Variants in KAZN observed in about 807,000 individuals in gnomAD.
The protein encoded by KAZN is kazrin.
In KAZN, 40 loss-of-function variants were observed where a neutral mutation model predicts 87.4. The observed-to-expected ratio is 0.46, with a 90% CI of 0.36 to 0.60. The LOEUF is 0.60. KAZN is among the 20% of genes least tolerant of loss of function. The pLI is 0.00. For synonymous variants in KAZN, 466 were observed against 458.3 expected, an observed-to-expected ratio of 1.02 and a Z score of -0.22; for missense variants, 898 against 1,073.9, an observed-to-expected ratio of 0.84 and a Z score of 2.29.
At chr1:14,612,371 A>T (rs1428826987) in intron 1 of KAZN, among the ~76,000 whole-genome samples, 6 of 152,330 alleles carry the variant, frequency 3.9e-5, no homozygotes, top group Admixed American at 3.9e-4. Context: ...CTGAGAAGGG[A>T]CAAGGAATCA....
intron 2 of KAZN, among the ~76,000 whole-genome samples, chr1:15,016,374 C>T (rs746307254): frequency 6.6e-6 from 1 of 152,176 alleles, no homozygotes; most frequent in Non-Finnish European, 1.5e-5. Flanking sequence ...CAACCTCTGC[C>T]TCCCAGGATC....
At chr1:14,887,016 C>T (rs899800572) in intron 1 of KAZN, among the ~76,000 whole-genome samples, 1 of 152,126 alleles carries the variant, frequency 6.6e-6, no homozygotes, top group South Asian at 2.1e-4. Flanking sequence ...GATCCATCCC[C>T]CCACCTACCC....
intron 2 of KAZN, among the ~76,000 whole-genome samples, chr1:14,346,656 T>A (rs1204493476): frequency 1.3e-5 from 2 of 152,068 alleles, no homozygotes; most frequent in Admixed American, 1.3e-4. Flanking sequence ...TTAGGATGAT[T>A]CCCTTTGCCC....
At chr1:13,946,027 G>A (rs940892001) in intron 1 of KAZN, among the ~76,000 whole-genome samples, 3 of 152,124 alleles carry the variant, frequency 2.0e-5, no homozygotes, top group African/African-American at 4.8e-5. Flanking sequence ...AGACAATCTG[G>A]GCTTCCAAGT....
intron 2 of KAZN, among the ~76,000 whole-genome samples, chr1:14,981,225 G>T (rs1666216614): frequency 6.6e-6 from 1 of 152,238 alleles, no homozygotes; most frequent in Non-Finnish European, 1.5e-5. Context: ...AACCCTGAAT[G>T]CTTAGTGGGG....
At chr1:13,994,010 G>A (rs1639400300) in intron 1 of KAZN, among the ~76,000 whole-genome samples, 1 of 152,216 alleles carries the variant, frequency 6.6e-6, no homozygotes. Flanking sequence ...CTGGAATGAA[G>A]TCTGAATTTT....
chr1:14,669,472 G>C (rs967863112), intron 1 of KAZN, among the ~76,000 whole-genome samples: 1 of 152,168 alleles, frequency 6.6e-6, no homozygotes, highest in Non-Finnish European at 1.5e-5. Flanking sequence ...AGCTGGGCGC[G>C]GTGGCTCACA....
chr1:14,613,761 C>T (rs1231390435), intron 1 of KAZN, among the ~76,000 whole-genome samples: 1 of 152,218 alleles, frequency 6.6e-6, no homozygotes, highest in Admixed American at 6.5e-5. Context: ...AGAGTCTCTG[C>T]GGCCCACAGG....
intron 1 of KAZN, among the ~76,000 whole-genome samples, chr1:14,005,395 GT>G (rs35304279): frequency 0.071 from 10,815 of 152,232 alleles, 471 homozygotes; most frequent in Middle Eastern, 0.11. Flanking sequence ...TTGATTTCAG[GT>G]TTCTACCTTG....
chr1:13,939,907 A>G (rs1448396870), intron 1 of KAZN, among the ~76,000 whole-genome samples: 2 of 152,230 alleles, frequency 1.3e-5, no homozygotes, highest in East Asian at 3.9e-4. Flanking sequence ...ACAACCAGGT[A>G]TCATGAGAAC....
chr1:14,044,057 C>T (rs1197019895), intron 1 of KAZN, among the ~76,000 whole-genome samples: 1 of 152,112 alleles, frequency 6.6e-6, no homozygotes, highest in African/African-American at 2.4e-5. Flanking sequence ...CTGGGATAAA[C>T]ACTCAAATGG....
intron 1 of KAZN, among the ~76,000 whole-genome samples, chr1:13,950,255 A>C (rs1032957558): frequency 6.9e-6 from 1 of 145,488 alleles, no homozygotes; most frequent in South Asian, 2.5e-4. Context: ...GGTGTCCCTT[A>C]TGCCTTCCAG....
exon 1 of KAZN, chr1:13,893,382 T>G: frequency 6.6e-6 from 2 of 304,586 alleles, no homozygotes; most frequent in Non-Finnish European, 5.9e-6. Flanking sequence ...GACTCCTGGT[T>G]AGGGGGAAAC....
chr1:14,868,263 G>A (rs1011108725), intron 1 of KAZN, among the ~76,000 whole-genome samples: 7 of 152,216 alleles, frequency 4.6e-5, no homozygotes, highest in Admixed American at 4.6e-4. Flanking sequence ...GCACAGCCAG[G>A]GCTGCGTCTG....
chr1:13,996,079 G>A lies in KAZN; in HGVS notation c.91+102323G>A, dbSNP rs568330624. ...GGCCTGATCCACGGAGAGGAAGGAA[G>A]AGCGTGGCAGCCCACCTGAGAGCCA... On this transcript the variant is annotated intron_variant, in intron 1 of 16. Coordinates refer to the KAZN transcript ENST00000636203. Among the ~76,000 whole-genome samples the A allele has an allele frequency of 4.9e-5, 7 of 142,242 alleles. No homozygotes were observed. The South Asian group carries it at 1.6e-3, about 33-fold the overall frequency. The allele number at this position is 142,242 out of a possible 152,430, so 93.3% of individuals were successfully genotyped here. A position where few individuals can be genotyped will look rare whatever the true frequency, so the allele number is the denominator to read the frequency against.
chr1:14,025,647 C>T (rs1430153848), intron 1 of KAZN, among the ~76,000 whole-genome samples: 3 of 152,198 alleles, frequency 2.0e-5, no homozygotes, highest in Non-Finnish European at 1.5e-5. Flanking sequence ...TATTTTCACA[C>T]TTCAGTGCAG....
chr1:14,883,350 G>GAAAA (rs1276722129), intron 1 of KAZN, among the ~76,000 whole-genome samples: 1 of 34,486 alleles, frequency 2.9e-5, no homozygotes, highest in Non-Finnish European at 6.0e-5. Context: ...GAGAAAGAAA[G>GAAAA]AAAGAAAAGA....
rs139520286 is a variant in KAZN, at chr1:14,206,221, G to A, written c.249+25629G>A. Among the ~76,000 whole-genome samples, 300 of 152,194 alleles carry A rather than the reference G, an allele frequency of 2.0e-3. 2 individuals are homozygous for A. The highest frequency in any genetic ancestry group is 6.6e-3 in the African/African-American group (275 of 41,532). On this transcript the variant is annotated intron_variant, in intron 2 of 16. Transcript: ENST00000636203. ...AACAGGTTAATATTTTCTTTAATCT[G>A]TGTTCTAGTCCACAAAGTCAGCTGA...
At chr1:14,591,688 G>C (rs1463147903) in intron 2 of KAZN, among the ~76,000 whole-genome samples, 2 of 152,128 alleles carry the variant, frequency 1.3e-5, no homozygotes, top group African/African-American at 4.8e-5. Context: ...GCGCCTGACC[G>C]ACTTTCCCAG....
Sources: allele counts gnomAD v4.1 joint callset (sites outside exome capture counted in the v4.1 genomes callset), GRCh38; gene constraint gnomAD v4.1.1; transcripts MANE v1.5; gene names NCBI Gene and HGNC (gene_info 2026-07-23, HGNC 2026-07-21).